Variants in PTPN9 observed in about 807,000 individuals in gnomAD.
The protein encoded by PTPN9 is protein tyrosine phosphatase non-receptor type 9, also known as tyrosine-protein phosphatase non-receptor type 9.
PTPN9 carries 26 observed loss-of-function variants against 69.8 expected under a neutral mutation model. That is an observed-to-expected ratio of 0.37 (90% CI 0.27 to 0.52). The LOEUF (loss-of-function observed/expected upper bound fraction) is 0.52, where lower values mean the gene tolerates loss of function less well. Ranked by LOEUF, PTPN9 falls within the 20% of genes least tolerant of loss-of-function variation. PTPN9 has a pLI of 0.91. For missense variants in PTPN9, 549 were observed against 740.3 expected (o/e 0.74, Z 3.00); for synonymous variants, 274 against 272.5 (o/e 1.01, Z -0.05).
At chr15:75,546,342 G>C (rs2075032715) in intron 1 of PTPN9, among the ~76,000 whole-genome samples, 1 of 152,028 alleles carries the variant, frequency 6.6e-6, no homozygotes, top group Non-Finnish European at 1.5e-5. Context: ...TGATAATGGT[G>C]TATAGAAATA....
chr15:75,569,700 A>C (rs891677242), intron 1 of PTPN9, among the ~76,000 whole-genome samples: 1 of 151,842 alleles, frequency 6.6e-6, no homozygotes, highest in Non-Finnish European at 1.5e-5. Flanking sequence ...AAAAAAAAAA[A>C]AACAGTTCAG....
intron 1 of PTPN9, among the ~76,000 whole-genome samples, chr15:75,544,321 C>T (rs188607700): frequency 6.6e-6 from 1 of 152,024 alleles, no homozygotes; most frequent in African/African-American, 2.4e-5. Flanking sequence ...TCGTTTGAGC[C>T]CAGGAATTTG....
chr15:75,551,774 T>C (rs2075057443), intron 1 of PTPN9, among the ~76,000 whole-genome samples: 1 of 152,104 alleles, frequency 6.6e-6, no homozygotes, highest in Non-Finnish European at 1.5e-5. Context: ...TGGTGGCTCA[T>C]ACTTGTAATC....
At position 75,561,243 on chromosome 15, in the gene PTPN9, C is replaced by T. The variant is rs150801259; in HGVS notation, c.63+17471G>A. 5.1e-3 allele frequency among the ~76,000 whole-genome samples: 758 copies of T among 149,184 alleles called. 1 individual carries two copies. Among genetic ancestry groups the T allele is most frequent in the Non-Finnish European group, 7.9e-3 (532 of 67,374 alleles). ...GGCAGGAGAATCGCTTAAACCCAGG[C>T]GATGGAGGTTGCAGTAAGCTGAGAT... On this transcript the variant is annotated intron_variant, in intron 1 of 12. Coordinates refer to ENST00000618819, the MANE Select transcript of PTPN9 (RefSeq NM_002833.4).
chr15:75,553,464 G>A (rs1186443917), intron 1 of PTPN9, among the ~76,000 whole-genome samples: 1 of 152,180 alleles, frequency 6.6e-6, no homozygotes. Flanking sequence ...CAGGACAGAT[G>A]AGAAAAGTTA....
At chr15:75,559,488 C>G (rs1251654282) in intron 1 of PTPN9, among the ~76,000 whole-genome samples, 1 of 152,186 alleles carries the variant, frequency 6.6e-6, no homozygotes, top group Non-Finnish European at 1.5e-5. Context: ...CCGATGCTCT[C>G]TGAAACATGT....
At chr15:75,537,443 TAAAAAAAAAAAAAA>T (rs71140168) in intron 1 of PTPN9, among the ~76,000 whole-genome samples, 5 of 20,344 alleles carry the variant, frequency 2.5e-4, no homozygotes, top group South Asian at 3.8e-3. Context: ...ATATCTTCCC[TAAAAAAAAAAAAAA>T]AAAAAAAAAA....
intron 12 of PTPN9, 111 bp downstream of exon 12, chr15:75,469,681 A>C: frequency 8.3e-7 from 1 of 1,201,706 alleles, no homozygotes; most frequent in South Asian, 1.3e-5. Flanking sequence ...TTCACCACCA[A>C]GGGAGCAAGT....
chr15:75,519,638 A>AT (rs1041289323), intron 4 of PTPN9, among the ~76,000 whole-genome samples: 1 of 149,886 alleles, frequency 6.7e-6, no homozygotes, highest in African/African-American at 2.5e-5. Context: ...TTCTTTACTT[A>AT]TTTTTTAATT....
At chr15:75,511,445 C>T (rs956250387) in intron 5 of PTPN9, among the ~76,000 whole-genome samples, 3 of 151,996 alleles carry the variant, frequency 2.0e-5, no homozygotes, top group Admixed American at 6.6e-5. Flanking sequence ...ATGGTTTCAT[C>T]GTGTTGCCCA....
At chr15:75,545,398 C>T (rs551763627) in intron 1 of PTPN9, among the ~76,000 whole-genome samples, 11 of 151,752 alleles carry the variant, frequency 7.2e-5, no homozygotes, top group Admixed American at 1.3e-4. Context: ...TGAGACCCCC[C>T]CATCTCTAGA....
chr15:75,534,262 ACTT>A (rs1156796429), intron 1 of PTPN9, among the ~76,000 whole-genome samples: 1 of 152,136 alleles, frequency 6.6e-6, no homozygotes, highest in East Asian at 1.9e-4. Context: ...TCACACTAAA[ACTT>A]CTTTCAACAA....
At position 75,490,693 on chromosome 15, in the gene PTPN9, C is replaced by T. The variant is rs186727501; in HGVS notation, c.969-392G>A. ...AGGCTGGAGTGCAGTAGCGTGATCT[C>T]GACTCACTGCAAGCTCTACCTCCTG... On this transcript the variant is annotated intron_variant, in intron 7 of 12. Transcript: ENST00000618819. Among the ~76,000 whole-genome samples the T allele has an allele frequency of 7.2e-4, 110 of 152,086 alleles. 1 individual carries two copies. Among genetic ancestry groups the T allele is most frequent in the Non-Finnish European group, 1.4e-3 (98 of 67,984 alleles).
At chr15:75,475,520 A>G (rs1049638199) in intron 9 of PTPN9, among the ~76,000 whole-genome samples, 2 of 152,074 alleles carry the variant, frequency 1.3e-5, no homozygotes, top group Non-Finnish European at 2.9e-5. Flanking sequence ...CGGAGGTTGC[A>G]TTAATTGCAT....
At chr15:75,527,712 C>T (rs1431975722) in intron 1 of PTPN9, among the ~76,000 whole-genome samples, 1 of 151,872 alleles carries the variant, frequency 6.6e-6, no homozygotes, top group Non-Finnish European at 1.5e-5. Context: ...CAAAACTAGC[C>T]GGATGTGGTG....
At chr15:75,505,645 C>G (rs764255973) in intron 7 of PTPN9, 30 bp downstream of exon 7, 1 of 1,569,336 alleles carries the variant, frequency 6.4e-7, no homozygotes, top group Admixed American at 1.7e-5. Context: ...TCCTGGTAAC[C>G]AGCTGCTGGC....
At chr15:75,527,914 C>T (rs1417722690) in intron 1 of PTPN9, among the ~76,000 whole-genome samples, 3 of 151,902 alleles carry the variant, frequency 2.0e-5, no homozygotes, top group East Asian at 3.8e-4. Flanking sequence ...CCAGGCCTTC[C>T]GAAGGATTAT....
At chr15:75,532,260 G>A (rs995372774) in intron 1 of PTPN9, among the ~76,000 whole-genome samples, 1 of 152,020 alleles carries the variant, frequency 6.6e-6, no homozygotes, top group Admixed American at 6.6e-5. Flanking sequence ...CAATTAACAG[G>A]GTGTGGTGGC....
intron 9 of PTPN9, among the ~76,000 whole-genome samples, chr15:75,476,347 C>T (rs1484534319): frequency 1.3e-5 from 2 of 152,048 alleles, no homozygotes; most frequent in Non-Finnish European, 2.9e-5. Flanking sequence ...CCGAGTATCA[C>T]TCTGTCGCCC....
Sources: allele counts gnomAD v4.1 joint callset (sites outside exome capture counted in the v4.1 genomes callset), GRCh38; gene constraint gnomAD v4.1.1; transcripts MANE v1.5; gene names NCBI Gene and HGNC (gene_info 2026-07-23, HGNC 2026-07-21).